The following GRID2 variants were observed in gnomAD, a reference collection of about 807,000 sequenced individuals.
GRID2 encodes glutamate ionotropic receptor delta type subunit 2, also known as glutamate receptor ionotropic, delta-2.
GRID2 carries 33 observed loss-of-function variants against 114.8 expected under a neutral mutation model. That is an observed-to-expected ratio of 0.29 (90% CI 0.22 to 0.38). The LOEUF (loss-of-function observed/expected upper bound fraction) is 0.38, where lower values mean the gene tolerates loss of function less well. Among genes scored for constraint, GRID2 ranks in the 10% least tolerant of loss-of-function variants. GRID2 has a pLI of 1.00. For synonymous variants in GRID2, 505 were observed against 449.9 expected (o/e 1.12, Z -1.55); for missense variants, 1,184 against 1,257.7 (o/e 0.94, Z 0.89).
At chr4:92,331,775 A>T (rs959263725) in intron 1 of GRID2, among the ~76,000 whole-genome samples, 14 of 152,180 alleles carry the variant, frequency 9.2e-5, no homozygotes, top group Non-Finnish European at 1.6e-4. Context: ...TTCCTATTTC[A>T]TTGGACTTTT....
intron 1 of GRID2, among the ~76,000 whole-genome samples, chr4:93,799,648 A>G (rs968690983): frequency 6.6e-6 from 1 of 152,192 alleles, no homozygotes; most frequent in African/African-American, 2.4e-5. Context: ...AATAGAGACT[A>G]TGTGGTTATC....
intron 11 of GRID2, among the ~76,000 whole-genome samples, chr4:93,467,049 G>A (rs1012811275): frequency 6.6e-6 from 1 of 152,076 alleles, no homozygotes; most frequent in Non-Finnish European, 1.5e-5. Context: ...ACTATTTTAT[G>A]TTATTGCAAC....
chr4:93,750,117 T>C (rs2110280312), intron 14 of GRID2, among the ~76,000 whole-genome samples: 1 of 152,332 alleles, frequency 6.6e-6, no homozygotes, highest in East Asian at 1.9e-4. Context: ...ACAACTGTAG[T>C]TGGTGCTACA....
At chr4:92,837,897 G>A (rs1466757360) in intron 2 of GRID2, among the ~76,000 whole-genome samples, 1 of 151,976 alleles carries the variant, frequency 6.6e-6, no homozygotes, top group Non-Finnish European at 1.5e-5. Context: ...AGTCTTTATG[G>A]CAAATGTCTC....
intron 8 of GRID2, among the ~76,000 whole-genome samples, chr4:93,296,542 G>A (rs904959159): frequency 5.9e-5 from 9 of 152,004 alleles, no homozygotes; most frequent in African/African-American, 2.2e-4. Flanking sequence ...GGCAAGGGTG[G>A]GAACTGTATC....
At chr4:93,754,109 TTATG>T (rs1553997163) in intron 14 of GRID2, among the ~76,000 whole-genome samples, 1 of 152,162 alleles carries the variant, frequency 6.6e-6, no homozygotes, top group Non-Finnish European at 1.5e-5. Flanking sequence ...TGGTAAGTAT[TTATG>T]TATGTAAACA....
intron 2 of GRID2, among the ~76,000 whole-genome samples, chr4:93,036,262 G>A (rs2149263163): frequency 1.3e-5 from 2 of 152,132 alleles, no homozygotes; most frequent in East Asian, 3.9e-4. Context: ...CAGATGGTAG[G>A]AGTACAAACT....
chr4:92,439,672 G>A (rs574264536), intron 1 of GRID2, among the ~76,000 whole-genome samples: 5 of 145,546 alleles, frequency 3.4e-5, no homozygotes, highest in South Asian at 4.7e-4. Flanking sequence ...GGTTTTGTGC[G>A]AATTGAAAAA....
chr4:93,708,714 G>A (rs534283395), intron 14 of GRID2, among the ~76,000 whole-genome samples: 2 of 151,846 alleles, frequency 1.3e-5, no homozygotes, highest in East Asian at 3.9e-4. Context: ...TTTATTATCT[G>A]TTTTCAGATT....
intron 2 of GRID2, among the ~76,000 whole-genome samples, chr4:93,052,428 C>G (rs893086901): frequency 2.2e-4 from 34 of 151,834 alleles, no homozygotes; most frequent in Non-Finnish European, 3.8e-4. Flanking sequence ...TTACACAAAC[C>G]TACGTGGTAT....
At chr4:93,069,641 C>A (rs1728636407) in intron 2 of GRID2, among the ~76,000 whole-genome samples, 1 of 152,054 alleles carries the variant, frequency 6.6e-6, no homozygotes, top group Admixed American at 6.6e-5. Context: ...GGAGGAAGGA[C>A]TGGTCAGTAA....
intron 4 of GRID2, among the ~76,000 whole-genome samples, chr4:93,199,830 A>G (rs1465433253): frequency 9.2e-5 from 14 of 152,324 alleles, no homozygotes; most frequent in East Asian, 1.9e-4. Context: ...ATAATACTCC[A>G]GTCTCCCTAT....
At chr4:93,318,096 A>C (rs2149203494) in intron 8 of GRID2, among the ~76,000 whole-genome samples, 1 of 148,924 alleles carries the variant, frequency 6.7e-6, no homozygotes, top group South Asian at 2.1e-4. Flanking sequence ...TAGAAACAAT[A>C]TAATTTATAA....
At chr4:92,955,756 CGT>C (rs1178208457) in intron 2 of GRID2, among the ~76,000 whole-genome samples, 1 of 152,068 alleles carries the variant, frequency 6.6e-6, no homozygotes, top group Non-Finnish European at 1.5e-5. Context: ...TTAGGTCTAA[CGT>C]TTAAGTCTTT....
At chr4:92,566,104 T>A (rs1727320825) in intron 1 of GRID2, among the ~76,000 whole-genome samples, 1 of 152,014 alleles carries the variant, frequency 6.6e-6, no homozygotes, top group African/African-American at 2.4e-5. Flanking sequence ...CAATAAACTA[T>A]GTCGATATGC....
In GRID2 at chr4:92,959,997, A is replaced by C. The variant is rs201254050; in HGVS notation, c.245-124998A>C. Among the ~76,000 whole-genome samples, 94 of 152,080 alleles carry C rather than the reference A, an allele frequency of 6.2e-4. 1 individual carries two copies. The East Asian group carries it at 0.011, about 19-fold the overall frequency. On this transcript the variant is annotated intron_variant, in intron 2 of 15. Transcript: ENST00000282020. ...TCTGCACATGTATCCCAGAACTTAA[A>C]GTATAATTTAAAAAAAAAGGAGAGA...
intron 14 of GRID2, among the ~76,000 whole-genome samples, chr4:93,635,927 C>A (rs1721373321): frequency 6.6e-6 from 1 of 152,050 alleles, no homozygotes; most frequent in Non-Finnish European, 1.5e-5. Flanking sequence ...AATTATAAAC[C>A]TTTACTCTCA....
At chr4:93,487,185 A>C (rs1434106250) in intron 11 of GRID2, among the ~76,000 whole-genome samples, 4 of 151,700 alleles carry the variant, frequency 2.6e-5, no homozygotes, top group African/African-American at 9.7e-5. Context: ...TTGTGTCTTC[A>C]CTTATTTTCC....
At chr4:93,105,893 T>C (rs1732177432) in intron 3 of GRID2, among the ~76,000 whole-genome samples, 2 of 152,192 alleles carry the variant, frequency 1.3e-5, no homozygotes, top group African/African-American at 4.8e-5. Context: ...TAATTCTATC[T>C]GCAGCCTTAA....
Sources: allele counts gnomAD v4.1 joint callset (sites outside exome capture counted in the v4.1 genomes callset), GRCh38; gene constraint gnomAD v4.1.1; transcripts MANE v1.5; gene names NCBI Gene and HGNC (gene_info 2026-07-23, HGNC 2026-07-21).